UNC5D: variants seen among roughly 807,000 people sequenced by gnomAD.
UNC5D encodes unc-5 netrin receptor D, also known as netrin receptor UNC5D.
A neutral mutation model predicts 105.4 loss-of-function variants in UNC5D; 39 were observed. The observed-to-expected ratio is 0.37, with a 90% CI of 0.29 to 0.48. UNC5D has a LOEUF of 0.48. UNC5D is among the 20% of genes least tolerant of loss of function. The probability of loss-of-function intolerance (pLI) is 0.98; values close to 1 mark genes in which losing one functional copy is unlikely to be tolerated. For missense variants in UNC5D, 991 were observed against 1,202.4 expected (o/e 0.82, Z 2.60); for synonymous variants, 452 against 450.4 (o/e 1.00, Z -0.04).
chr8:35,486,367 A>G (rs1362527217), intron 1 of UNC5D, among the ~76,000 whole-genome samples: 9 of 152,158 alleles, frequency 5.9e-5, no homozygotes, highest in Non-Finnish European at 1.2e-4. Context: ...ATTAAGCTCA[A>G]TGAAGTTCAA....
chr8:35,518,685 T>C (rs1008024711), intron 1 of UNC5D, among the ~76,000 whole-genome samples: 6 of 152,150 alleles, frequency 3.9e-5, no homozygotes, highest in African/African-American at 1.4e-4. Context: ...TCTATAGGTC[T>C]CCAATTATTA....
intron 1 of UNC5D, among the ~76,000 whole-genome samples, chr8:35,268,733 A>G (rs1329694707): frequency 6.6e-6 from 1 of 152,140 alleles, no homozygotes; most frequent in Non-Finnish European, 1.5e-5. Flanking sequence ...TATATTGCTT[A>G]TTAACTCTTT....
In UNC5D at chr8:35,342,224, G is replaced by A. The variant is rs142887201; in HGVS notation, c.103+106337G>A. Among the ~76,000 whole-genome samples the A allele has an allele frequency of 1.5e-4, 23 of 152,136 alleles. No homozygotes were observed. In the East Asian group the frequency reaches 4.5e-3, roughly 30 times the overall value. On this transcript the variant is annotated intron_variant, in intron 1 of 16. Transcript: ENST00000404895. The stretch of plus-strand genomic sequence containing the variant: ...ATTTTGGACCTTTTCCGTGACCCCA[G>A]AATCCCAGGTAGATCAGAATTTGTC...
chr8:35,345,398 G>A lies in UNC5D; in HGVS notation c.103+109511G>A, dbSNP rs189668470. Among the ~76,000 whole-genome samples, 21 of 152,006 alleles carry A rather than the reference G, an allele frequency of 1.4e-4. 1 individual carries two copies. The highest frequency in any genetic ancestry group is 1.4e-3 in the Admixed American group (21 of 15,246). On this transcript the variant is annotated intron_variant, in intron 1 of 16. Transcript: ENST00000404895. ...TCCAAGGGAACCTGGAAAGAAAAAA[G>A]TATCCTACTGTGTGGTTTGGTTTTG...
At chr8:35,537,891 T>C (rs1234184595) in intron 1 of UNC5D, among the ~76,000 whole-genome samples, 1 of 152,054 alleles carries the variant, frequency 6.6e-6, no homozygotes, top group Non-Finnish European at 1.5e-5. Flanking sequence ...TTTTAAAAAA[T>C]TTATTCAACA....
At chr8:35,564,745 T>A (rs1220264373) in intron 2 of UNC5D, among the ~76,000 whole-genome samples, 2 of 152,264 alleles carry the variant, frequency 1.3e-5, no homozygotes, top group African/African-American at 4.8e-5. Context: ...CCTCATCCTA[T>A]CCAATCCTCC....
At chr8:35,370,181 CA>C (rs1246645419) in intron 1 of UNC5D, among the ~76,000 whole-genome samples, 1 of 152,066 alleles carries the variant, frequency 6.6e-6, no homozygotes, top group Non-Finnish European at 1.5e-5. Flanking sequence ...TGATCATCTA[CA>C]GTGAAGAATA....
chr8:35,767,200 G>A (rs1801814435), intron 15 of UNC5D, 134 bp downstream of exon 15: 1 of 1,114,942 alleles, frequency 9.0e-7, no homozygotes, highest in South Asian at 2.0e-5. Flanking sequence ...CTTCATTACT[G>A]ATGAGGGAAA....
chr8:35,607,734 C>T (rs996820572), intron 4 of UNC5D, among the ~76,000 whole-genome samples: 3 of 152,090 alleles, frequency 2.0e-5, no homozygotes, highest in Admixed American at 1.3e-4. Context: ...CTTTGATGGG[C>T]ACTTCTCCTT....
intron 1 of UNC5D, among the ~76,000 whole-genome samples, chr8:35,486,584 G>T (rs1810836971): frequency 6.6e-6 from 1 of 152,048 alleles, no homozygotes; most frequent in Admixed American, 6.6e-5. Flanking sequence ...ATGTCTGACT[G>T]GTTTGGTCCA....
In UNC5D at chr8:35,297,627, G is replaced by A. The variant is rs1325770271; in HGVS notation, c.103+61740G>A. Among the ~76,000 whole-genome samples the A allele has an allele frequency of 2.6e-5, 4 of 152,252 alleles. No homozygotes were observed. In the East Asian group the frequency reaches 7.7e-4, roughly 29 times the overall value. Reference sequence around the variant, plus strand: ...AGGCCCAGCCTTTTCTTTGCTACCTGTAATCTGAATCCCTTCCTAACTATG... The same window carrying A: ...AGGCCCAGCCTTTTCTTTGCTACCTATAATCTGAATCCCTTCCTAACTATG... On this transcript the variant is annotated intron_variant, in intron 1 of 16. Coordinates refer to ENST00000404895, the MANE Select transcript of UNC5D (RefSeq NM_080872.4).
chr8:35,461,328 C>T (rs563526613), intron 1 of UNC5D, among the ~76,000 whole-genome samples: 6 of 152,250 alleles, frequency 3.9e-5, no homozygotes, highest in East Asian at 1.9e-4. Flanking sequence ...TTATATCTTA[C>T]GTGTCTACAT....
intron 11 of UNC5D, among the ~76,000 whole-genome samples, chr8:35,747,312 A>C (rs1057342012): frequency 6.6e-6 from 1 of 152,226 alleles, no homozygotes. Flanking sequence ...AGTTGTCAAC[A>C]TAAGCAATTC....
chr8:35,409,733 AG>A (rs2128956832), intron 1 of UNC5D, among the ~76,000 whole-genome samples: 1 of 152,050 alleles, frequency 6.6e-6, no homozygotes, highest in South Asian at 2.1e-4. Context: ...GCAGAGCAAA[AG>A]TTCTTAATTT....
intron 1 of UNC5D, among the ~76,000 whole-genome samples, chr8:35,262,035 T>C (rs1000368187): frequency 1.3e-5 from 2 of 152,210 alleles, no homozygotes; most frequent in African/African-American, 2.4e-5. Flanking sequence ...GGTACAGCAC[T>C]GAAAATTCTC....
At chr8:35,606,081 G>C (rs1020606691) in intron 4 of UNC5D, among the ~76,000 whole-genome samples, 3 of 151,186 alleles carry the variant, frequency 2.0e-5, no homozygotes, top group Non-Finnish European at 4.4e-5. Context: ...TCTGCCTCCT[G>C]GGTTCAAATG....
intron 1 of UNC5D, among the ~76,000 whole-genome samples, chr8:35,315,429 CAGATGGCTGGGGCAGTGG>C (rs1008252081): frequency 6.6e-6 from 1 of 151,900 alleles, no homozygotes; most frequent in African/African-American, 2.4e-5. Flanking sequence ...TGGGGCAGTG[CAGATGGCTGGGGCAGTGG>C]AGATGACTGG....
chr8:35,250,787 G>T (rs1422454015), intron 1 of UNC5D, among the ~76,000 whole-genome samples: 1 of 151,996 alleles, frequency 6.6e-6, no homozygotes, highest in Non-Finnish European at 1.5e-5. Context: ...ATGAACCACC[G>T]CTCCTGGCCC....
rs538379726 is a variant in UNC5D, at chr8:35,572,860, G to A, written c.466+4619G>A. On this transcript the variant is annotated intron_variant, in intron 3 of 16. Transcript: ENST00000404895. ...TCTCTGTCGCCCAGGCTGGAGTGCAGTGGTGCGATCTGGGCTCACTGCAAG... is the reference window on the plus strand; with the variant it reads ...TCTCTGTCGCCCAGGCTGGAGTGCAATGGTGCGATCTGGGCTCACTGCAAG... Among the ~76,000 whole-genome samples, 398 of 149,040 alleles carry A rather than the reference G, an allele frequency of 2.7e-3. 3 individuals are homozygous for A. The highest frequency in any genetic ancestry group is 4.4e-3 in the Non-Finnish European group (299 of 67,640).
Sources: allele counts gnomAD v4.1 joint callset (sites outside exome capture counted in the v4.1 genomes callset), GRCh38; gene constraint gnomAD v4.1.1; transcripts MANE v1.5; gene names NCBI Gene and HGNC (gene_info 2026-07-23, HGNC 2026-07-21).